Variants in GFRA2 observed in about 807,000 individuals in gnomAD.
The protein encoded by GFRA2 is GDNF family receptor alpha-2.
A neutral mutation model predicts 48.3 loss-of-function variants in GFRA2; 17 were observed. The observed-to-expected ratio is 0.35, with a 90% CI of 0.24 to 0.53. The LOEUF (loss-of-function observed/expected upper bound fraction) is 0.53. Among genes scored for constraint, GFRA2 ranks in the 20% least tolerant of loss-of-function variants. The pLI is 0.93. For missense variants in GFRA2, 660 were observed against 637.3 expected (o/e 1.04, Z -0.38); for synonymous variants, 305 against 257.2 (o/e 1.19, Z -1.78).
chr8:21,719,531 G>A (rs117942668), intron 4 of GFRA2, among the ~76,000 whole-genome samples: 2,267 of 152,328 alleles, frequency 0.015, 28 homozygotes, highest in Middle Eastern at 0.048. Context: ...AGCTGAACAA[G>A]AGATTGTGTT....
chr8:21,797,277 C>T (rs1378951289), intron 2 of GFRA2, among the ~76,000 whole-genome samples: 20 of 139,706 alleles, frequency 1.4e-4, no homozygotes, highest in African/African-American at 4.8e-4. Flanking sequence ...CTTTTTTTTT[C>T]CTTTCTTTGC....
chr8:21,699,712 C>T (rs1290458437), intron 7 of GFRA2, among the ~76,000 whole-genome samples: 4 of 152,224 alleles, frequency 2.6e-5, no homozygotes, highest in South Asian at 2.1e-4. Flanking sequence ...CCCAGTCCTG[C>T]GCACAGAGGG....
intron 1 of GFRA2, 72 bp downstream of exon 1, chr8:21,788,048 C>CCG: frequency 1.5e-6 from 1 of 665,736 alleles, no homozygotes; most frequent in Admixed American, 3.2e-5. Context: ...AGCCCCCCAC[C>CCG]GGCGCTCCGC....
At chr8:21,785,012 GACTTAACC>G (rs1650779848) in intron 1 of GFRA2, among the ~76,000 whole-genome samples, 1 of 152,102 alleles carries the variant, frequency 6.6e-6, no homozygotes, top group Admixed American at 6.5e-5. Context: ...GCCCTCCACT[GACTTAACC>G]ACCCCGCCTC....
At position 21,773,418 on chromosome 8, in the gene GFRA2, C is replaced by T. The variant is rs373407300; in HGVS notation, c.439+1554G>A. Among the ~76,000 whole-genome samples, 239 of 152,326 alleles carry T rather than the reference C, an allele frequency of 1.6e-3. 6 individuals carry two copies. The South Asian group carries it at 0.025, about 16-fold the overall frequency. ...CCAGATGGCCACCCACTGGCCAGTG[C>T]CTCCCTTCCTGGGCATCCAAGATTT... On this transcript the variant is annotated intron_variant, in intron 3 of 8. Coordinates refer to ENST00000524240, the MANE Select transcript of GFRA2 (RefSeq NM_001495.5).
Position 21,690,490 on chromosome 8 carries a change from T to C in GFRA2, c.*2788A>G, listed in dbSNP as rs2117293803. ...GAATCATCTCAACCAAAGGAATGAA[T>C]ACCTAATGGTAAAATTTCAGCCATG... On this transcript the variant is annotated 3_prime_UTR_variant, in exon 9 of 9. Coordinates refer to ENST00000524240, the MANE Select transcript of GFRA2 (RefSeq NM_001495.5). 1 of 152,344 alleles carries C rather than the reference T, an allele frequency of 6.6e-6. No individual in the cohort carries two copies. Among genetic ancestry groups the C allele is most frequent in the South Asian group, 2.1e-4 (1 of 4,828 alleles). The allele number at this position is 152,344 out of a possible 1,614,324, so 9.4% of individuals were successfully genotyped here.
Position 21,750,908 on chromosome 8 carries a change from G to T in GFRA2, c.474C>A (p.Ser158Arg). Residue 158 changes from serine to arginine, a missense_variant, in exon 4 of 9, where the codon AGC becomes AGA. Coordinates refer to ENST00000524240, the MANE Select transcript of GFRA2 (RefSeq NM_001495.5). The surrounding 1 kb of genome is among the most constrained non-coding windows in gnomAD (Gnocchi z 5.7). Reference protein sequence around the residue: ...TGADPVVSAKSNHCLDAAKAC... With the variant: ...TGADPVVSAKRNHCLDAAKAC... ...CCTTGGCAGCATCCAGGCAATGGTT[G>T]CTCTTGGCGCTGACCACCGGGTCTG... is the stretch of plus-strand genomic sequence containing the variant. The T allele has an allele frequency of 6.2e-7, 1 of 1,613,242 alleles. No individual in the cohort carries two copies. Among genetic ancestry groups the T allele is most frequent in the South Asian group, 1.1e-5 (1 of 91,042 alleles).
chr8:21,747,094 G>C (rs370634882), intron 4 of GFRA2, among the ~76,000 whole-genome samples: 1 of 152,134 alleles, frequency 6.6e-6, no homozygotes, highest in South Asian at 2.1e-4. Flanking sequence ...CCACTCCTAC[G>C]CTTGGGTCCT....
chr8:21,724,879 G>A (rs1803782316), intron 4 of GFRA2, among the ~76,000 whole-genome samples: 1 of 152,092 alleles, frequency 6.6e-6, no homozygotes, highest in African/African-American at 2.4e-5. Context: ...GGTCTCTCTG[G>A]GACACATACG....
At chr8:21,704,877 T>G (rs955823827) in intron 6 of GFRA2, 108 bp downstream of exon 6, 26 of 890,460 alleles carry the variant, frequency 2.9e-5, no homozygotes, top group African/African-American at 4.9e-5. Flanking sequence ...CGGAGAAGCC[T>G]CATCTACATC....
chr8:21,704,314 C>T (rs1394891318), intron 6 of GFRA2, among the ~76,000 whole-genome samples: 1 of 152,168 alleles, frequency 6.6e-6, no homozygotes, highest in Non-Finnish European at 1.5e-5. Context: ...CCTCAAGAAC[C>T]CTGTGCAGAC....
intron 4 of GFRA2, among the ~76,000 whole-genome samples, chr8:21,749,211 C>T (rs976688572): frequency 6.6e-6 from 1 of 151,318 alleles, no homozygotes; most frequent in Non-Finnish European, 1.5e-5. Flanking sequence ...TTAGTATAAC[C>T]ATGCACCACC....
chr8:21,745,151 C>T (rs554552725), intron 4 of GFRA2, among the ~76,000 whole-genome samples: 40 of 152,372 alleles, frequency 2.6e-4, no homozygotes, highest in African/African-American at 9.4e-4. Flanking sequence ...ACACGGGTGA[C>T]GGACAAGGCC....
chr8:21,789,991 A>G (rs990580590), upstream of GFRA2: 19 of 810,176 alleles, frequency 2.3e-5, no homozygotes, highest in Non-Finnish European at 1.0e-5. Context: ...CCGGCTCCCT[A>G]GGCTCCGGGG....
rs1168200871 is a variant in GFRA2 at position 21,691,916 on chromosome 8, G to A, written c.*1362C>T. On this transcript the variant is annotated 3_prime_UTR_variant, in exon 9 of 9. Transcript: ENST00000524240. ...ACACATGCACACAGGCACACACACG[G>A]ACACACATTTCCCCAGCCCACTGGG... 6.5e-6 allele frequency: 1 copy of A among 152,704 alleles called. No homozygotes were observed. The highest frequency in any genetic ancestry group is 1.5e-5 in the Non-Finnish European group (1 of 68,170). 9.5% of individuals were successfully genotyped at this position (152,704 alleles called of 1,614,324 possible). A position where few individuals can be genotyped will look rare whatever the true frequency, so the allele number is the denominator to read the frequency against.
chr8:21,741,513 C>T (rs527394037), intron 4 of GFRA2, among the ~76,000 whole-genome samples: 12 of 152,124 alleles, frequency 7.9e-5, no homozygotes, highest in Non-Finnish European at 1.6e-4. Flanking sequence ...CATCTGCCTC[C>T]TCCATCAGAC....
chr8:21,727,781 C>T (rs955311182), intron 4 of GFRA2, among the ~76,000 whole-genome samples: 4 of 152,302 alleles, frequency 2.6e-5, no homozygotes, highest in Admixed American at 6.5e-5. Flanking sequence ...GCGGTCTCTC[C>T]GCAATGACAG....
chr8:21,705,902 A>G, intron 5 of GFRA2, 30 bp downstream of exon 5: 2 of 1,448,776 alleles, frequency 1.4e-6, no homozygotes, highest in Non-Finnish European at 1.9e-6. Context: ...GCAAGGACCC[A>G]CAGAGCCCAG....
intron 3 of GFRA2, among the ~76,000 whole-genome samples, chr8:21,765,476 T>A (rs1806108442): frequency 6.6e-6 from 1 of 151,958 alleles, no homozygotes; most frequent in Non-Finnish European, 1.5e-5. Flanking sequence ...GATTTCTCTC[T>A]CCCTCTCTGG....
Sources: gnomAD v4.1 joint callset for allele counts (sites outside exome capture counted in the v4.1 genomes callset) on GRCh38, gnomAD v4.1.1 for gene constraint, Gnocchi (gnomAD v3.1) non-coding constraint, MANE v1.5 for transcripts, NCBI Gene and HGNC (gene_info 2026-07-23, HGNC 2026-07-21) for gene names.